TRPC4: variants seen among roughly 807,000 people sequenced by gnomAD.
TRPC4 encodes the protein transient receptor potential cation channel subfamily C member 4.
A neutral mutation model predicts 99.4 loss-of-function variants in TRPC4; 49 were observed. That is an observed-to-expected ratio of 0.49 (90% CI 0.39 to 0.63). TRPC4 has a LOEUF of 0.63. Among genes scored for constraint, TRPC4 ranks in the 20% least tolerant of loss-of-function variants. The pLI is 0.00. For missense variants in TRPC4, 898 were observed against 1,152.9 expected, an observed-to-expected ratio of 0.78 and a Z score of 3.20; for synonymous variants, 454 against 425.9, an observed-to-expected ratio of 1.07 and a Z score of -0.81.
chr13:37,827,485 C>T (rs1958267101), intron 1 of TRPC4, among the ~76,000 whole-genome samples: 1 of 152,144 alleles, frequency 6.6e-6, no homozygotes, highest in African/African-American at 2.4e-5. Context: ...AGTTTTCCTT[C>T]TAACAGACAG....
At chr13:37,676,923 G>A (rs918342336) in intron 4 of TRPC4, among the ~76,000 whole-genome samples, 3 of 150,634 alleles carry the variant, frequency 2.0e-5, no homozygotes, top group African/African-American at 4.9e-5. Flanking sequence ...AAATGTGTGT[G>A]TATATATATA....
chr13:37,722,304 C>A (rs1954897102), intron 3 of TRPC4, among the ~76,000 whole-genome samples: 1 of 152,142 alleles, frequency 6.6e-6, no homozygotes, highest in Admixed American at 6.5e-5. Flanking sequence ...GGAGTCAAAT[C>A]AATCACATAT....
chr13:37,660,964 G>A (rs543400360), intron 6 of TRPC4, among the ~76,000 whole-genome samples: 41 of 152,234 alleles, frequency 2.7e-4, no homozygotes, highest in African/African-American at 9.6e-4. Flanking sequence ...AGGACCTCCT[G>A]CTTCCTAATG....
Position 37,637,560 on chromosome 13 carries a change from A to G in TRPC4, c.2277T>C (p.Leu759=). 1 of 1,612,880 alleles carries G rather than the reference A, an allele frequency of 6.2e-7. No homozygotes were observed. Among genetic ancestry groups the G allele is most frequent in the Non-Finnish European group, 8.5e-7 (1 of 1,179,540 alleles). Residue 759 remains leucine, a synonymous_variant, in exon 11 of 11, where the codon CTT becomes CTC. Coordinates refer to ENST00000379705, the MANE Select transcript of TRPC4 (RefSeq NM_016179.4). ...EVLGLLRGSK[L]STIQSANASK... ...AGGCATTCGCAGATTGTATTGTGGA[A>G]AGTTTGCTTCCTCTTAGTAATCCCA...
intron 3 of TRPC4, among the ~76,000 whole-genome samples, chr13:37,710,325 T>A (rs537553737): frequency 1.3e-5 from 2 of 152,024 alleles, no homozygotes; most frequent in African/African-American, 4.8e-5. Context: ...TGTGGCTCTG[T>A]TTTAATACAC....
intron 3 of TRPC4, among the ~76,000 whole-genome samples, chr13:37,744,379 C>G (rs868219972): frequency 7.9e-5 from 12 of 151,900 alleles, no homozygotes; most frequent in Non-Finnish European, 1.2e-4. Flanking sequence ...TCTCTGAGTC[C>G]AAAACATAAA....
chr13:37,739,800 G>A (rs1955527806), intron 3 of TRPC4, among the ~76,000 whole-genome samples: 1 of 151,796 alleles, frequency 6.6e-6, no homozygotes, highest in Non-Finnish European at 1.5e-5. Context: ...CACTGCAGCT[G>A]GCCAGCATGA....
rs539868562 is a variant in TRPC4, at chr13:37,637,155, C to A, written c.2682G>T (p.Arg894=). Residue 894 remains arginine, a synonymous_variant, in exon 11 of 11, where the codon CGG becomes CGT. Coordinates refer to ENST00000379705, the MANE Select transcript of TRPC4 (RefSeq NM_016179.4). ...TGAGACCGGGAATGCTCAGGTCACC[C>A]CGTGAAGCTAATCCTCGAGATTCCA... ...IQLESRGLAS[R]GDLSIPGLSE... is the part of the protein sequence containing the mutation. 1.9e-5 allele frequency: 30 copies of A among 1,613,774 alleles called. 1 individual carries two copies. In the South Asian group the frequency reaches 3.0e-4, roughly 16 times the overall value.
chr13:37,761,538 C>A (rs1956221390), intron 2 of TRPC4, among the ~76,000 whole-genome samples: 1 of 151,846 alleles, frequency 6.6e-6, no homozygotes, highest in Non-Finnish European at 1.5e-5. Context: ...TTCTCATTTC[C>A]AAATGTAGTC....
At chr13:37,674,438 A>G in intron 4 of TRPC4, 71 bp from the exon 5 acceptor site, 1 of 1,505,002 alleles carries the variant, frequency 6.6e-7, no homozygotes. Flanking sequence ...ATACAATTTA[A>G]CAATTATAGA....
intron 3 of TRPC4, among the ~76,000 whole-genome samples, chr13:37,741,002 C>T (rs1013511489): frequency 4.6e-5 from 7 of 152,078 alleles, no homozygotes; most frequent in African/African-American, 9.7e-5. Flanking sequence ...GCTAATGTTG[C>T]AAAGCTGCTG....
At chr13:37,678,241 C>G (rs993332024) in intron 4 of TRPC4, among the ~76,000 whole-genome samples, 7 of 151,662 alleles carry the variant, frequency 4.6e-5, no homozygotes, top group Non-Finnish European at 8.8e-5. Context: ...TAAACCAAAA[C>G]AAGCAGAAAG....
chr13:37,826,755 A>G (rs1958230235), intron 1 of TRPC4, among the ~76,000 whole-genome samples: 1 of 151,960 alleles, frequency 6.6e-6, no homozygotes, highest in African/African-American at 2.4e-5. Context: ...TGTGTCTTGG[A>G]GTTGCTCTTC....
chr13:37,661,318 T>C (rs1397572508), intron 6 of TRPC4, among the ~76,000 whole-genome samples: 1 of 152,236 alleles, frequency 6.6e-6, no homozygotes, highest in Admixed American at 6.5e-5. Flanking sequence ...TGTTATTACT[T>C]ACAAAGAAAC....
chr13:37,859,756 ACATG>A (rs1959214758), intron 1 of TRPC4, among the ~76,000 whole-genome samples: 1 of 151,634 alleles, frequency 6.6e-6, no homozygotes, highest in African/African-American at 2.4e-5. Flanking sequence ...CTGTCAAGAT[ACATG>A]TTGGTACTAG....
At chr13:37,678,738 T>C (rs1275092915) in intron 4 of TRPC4, among the ~76,000 whole-genome samples, 1 of 152,074 alleles carries the variant, frequency 6.6e-6, no homozygotes, top group Non-Finnish European at 1.5e-5. Flanking sequence ...GTAAGAAACA[T>C]TTAAGAGGCA....
At chr13:37,853,408 C>G (rs192311795) in intron 1 of TRPC4, among the ~76,000 whole-genome samples, 4 of 152,238 alleles carry the variant, frequency 2.6e-5, no homozygotes, top group African/African-American at 9.6e-5. Context: ...GGGCTTGCGG[C>G]CCAAGTCCCT....
At chr13:37,655,728 A>G (rs1369240954) in intron 6 of TRPC4, among the ~76,000 whole-genome samples, 2 of 152,102 alleles carry the variant, frequency 1.3e-5, no homozygotes, top group East Asian at 3.9e-4. Flanking sequence ...TGCATTTTCT[A>G]TAGCTTCTTT....
chr13:37,694,566 A>G (rs868232357), intron 3 of TRPC4, among the ~76,000 whole-genome samples: 1 of 152,242 alleles, frequency 6.6e-6, no homozygotes, highest in Admixed American at 6.5e-5. Context: ...AAAAAAAAGC[A>G]AGGAATTTAA....
Sources: allele counts gnomAD v4.1 joint callset (sites outside exome capture counted in the v4.1 genomes callset), GRCh38; gene constraint gnomAD v4.1.1; transcripts MANE v1.5; gene names NCBI Gene and HGNC (gene_info 2026-07-23, HGNC 2026-07-21).